EP300: variants seen among roughly 807,000 people sequenced by gnomAD.
The protein encoded by EP300 is histone acetyltransferase p300.
A neutral mutation model predicts 264.0 loss-of-function variants in EP300; 31 were observed. The ratio of observed to expected loss-of-function variants is 0.12; its 90% confidence interval spans 0.09 to 0.16. EP300 has a LOEUF of 0.16. EP300 is among the 10% of genes least tolerant of loss of function. EP300 has a pLI of 1.00. For missense variants in EP300, 2,766 were observed against 3,052.9 expected (o/e 0.91, Z 2.21); for synonymous variants, 1,340 against 1,045.4 (o/e 1.28, Z -5.44).
rs1285602759 is a variant in EP300, at chr22:41,158,504, A to T, written c.3590+4A>T. ...CTTATTACAGTTACCAGAACAGGTA[A>T]GCTTGGCCAGGTGTGGACCATGGTC... On this transcript the variant is annotated splice_donor_region_variant and intron_variant, in intron 19 of 30. Transcript: ENST00000263253. 23 of 1,613,582 alleles carry T rather than the reference A, an allele frequency of 1.4e-5. No individual in the cohort carries two copies. The highest frequency in any genetic ancestry group is 1.7e-5 in the Non-Finnish European group (20 of 1,179,694).
rs1052963583 is a variant in EP300, at chr22:41,146,054, G to A, written c.2054-685G>A. 8.6e-5 allele frequency among the ~76,000 whole-genome samples: 13 copies of A among 151,654 alleles called. 1 individual carries two copies. The highest frequency in any genetic ancestry group is 1.3e-4 in the Non-Finnish European group (9 of 67,986). On this transcript the variant is annotated intron_variant, in intron 10 of 30. Transcript: ENST00000263253. Reference sequence around the variant, plus strand: ...AACGTTGTGCTACATGATCAAATTCGGCCACCATTAGACATGATTCATAGC... The same window carrying A: ...AACGTTGTGCTACATGATCAAATTCAGCCACCATTAGACATGATTCATAGC...
At chr22:41,150,287 T>TTCC in intron 14 of EP300, 89 bp downstream of exon 14, 1 of 1,400,354 alleles carries the variant, frequency 7.1e-7, no homozygotes, top group East Asian at 2.5e-5. Context: ...TCTTTTGCTT[T>TTCC]ATCTCTTACT....
intron 18 of EP300, 101 bp downstream of exon 18, chr22:41,157,509 T>TG: frequency 8.5e-6 from 8 of 942,416 alleles, no homozygotes; most frequent in South Asian, 1.6e-5. Context: ...GGCTTTGACA[T>TG]GGCTTTTTTT....
intron 20 of EP300, among the ~76,000 whole-genome samples, 196 bp downstream of exon 20, chr22:41,160,918 T>C (rs1008582514): frequency 6.6e-6 from 1 of 152,224 alleles, no homozygotes; most frequent in Non-Finnish European, 1.5e-5. Flanking sequence ...GTTCAGTAGC[T>C]ATCTGTGTCT....
At chr22:41,137,938 C>T (rs1271503356) in intron 8 of EP300, 148 bp downstream of exon 8, 4 of 1,110,284 alleles carry the variant, frequency 3.6e-6, no homozygotes, top group East Asian at 5.2e-5. Flanking sequence ...TTGTGGATTT[C>T]TTGCTGCTGC....
chr22:41,170,962 CT>C (rs566562957), intron 27 of EP300, among the ~76,000 whole-genome samples: 2,940 of 136,538 alleles, frequency 0.022, 82 homozygotes, highest in African/African-American at 0.069. Flanking sequence ...CGTGCCCAGC[CT>C]TTTTTTTTTT....
chr22:41,151,780 T>C, intron 14 of EP300, 53 bp from the exon 15 acceptor site: 1 of 1,561,306 alleles, frequency 6.4e-7, no homozygotes, highest in Non-Finnish European at 8.8e-7. Context: ...TCTGATTGTA[T>C]CGTTGGCAGA....
At chr22:41,141,886 T>C (rs2058984670) in intron 10 of EP300, among the ~76,000 whole-genome samples, 1 of 152,074 alleles carries the variant, frequency 6.6e-6, no homozygotes, top group African/African-American at 2.4e-5. Context: ...CATGTTGGCC[T>C]AGCTGATCTC....
intron 25 of EP300, 51 bp downstream of exon 25, chr22:41,168,918 TTATAA>T: frequency 6.2e-7 from 1 of 1,611,908 alleles, no homozygotes; most frequent in South Asian, 1.1e-5. Flanking sequence ...GAGTTCCAAC[TTATAA>T]TAGGTGGAAA....
At chr22:41,118,859 A>T (rs1286086219) in intron 2 of EP300, among the ~76,000 whole-genome samples, 1 of 152,004 alleles carries the variant, frequency 6.6e-6, no homozygotes, top group Non-Finnish European at 1.5e-5. Context: ...AGACAGATGG[A>T]CAAACTTGTG....
chr22:41,097,038 A>C (rs566587752), intron 1 of EP300, among the ~76,000 whole-genome samples: 28 of 152,102 alleles, frequency 1.8e-4, no homozygotes, highest in Non-Finnish European at 3.5e-4. Context: ...GTTTTATTTT[A>C]TTTTGGCTTG....
Position 41,117,738 on chromosome 22 carries a change from G to A in EP300, c.646G>A (p.Gly216Ser), listed in dbSNP as rs890265112. The A allele has an allele frequency of 6.2e-7, 1 of 1,614,228 alleles. No homozygotes were observed. Among genetic ancestry groups the A allele is most frequent in the Non-Finnish European group, 8.5e-7 (1 of 1,180,044 alleles). Residue 216 changes from glycine (G) to serine (S), a missense_variant, in exon 2 of 31, where the codon GGC (glycine) becomes AGC (serine). Coordinates refer to ENST00000263253, the MANE Select transcript of EP300 (RefSeq NM_001429.4). ...QYPNPGMGSA[G>S]NLLTEPLQQG... ...CCCAAACCCAGGCATGGGAAGTGCT[G>A]GCAACTTACTGACTGAGCCTCTTCA...
At position 41,117,265 on chromosome 22, in the gene EP300, G is replaced by A; in HGVS notation, c.173G>A (p.Gly58Asp). 5 of 1,614,184 alleles carry A rather than the reference G, an allele frequency of 3.1e-6. No homozygotes were observed. Among genetic ancestry groups the A allele is most frequent in the Non-Finnish European group, 3.4e-6 (4 of 1,180,038 alleles). The change falls in exon 2 of 31, where the codon GGT becomes GAT. Residue 58 changes from glycine (G) to aspartate (D), a missense_variant. Gly to Asp is a moderately conservative substitution (Grantham distance 94). Coordinates refer to ENST00000263253, the MANE Select transcript of EP300 (RefSeq NM_001429.4). Reference protein sequence around the residue: ...INSTELGLTNGGDINQLQTSL... With the variant: ...INSTELGLTNDGDINQLQTSL... ...TCTACAGAATTGGGACTAACCAATG[G>A]TGGTGATATTAATCAGCTTCAGACA...
intron 1 of EP300, among the ~76,000 whole-genome samples, chr22:41,096,738 C>G (rs1412418000): frequency 1.3e-5 from 2 of 151,722 alleles, no homozygotes; most frequent in Non-Finnish European, 2.9e-5. Flanking sequence ...CTGCTTCACC[C>G]TCCTCAGTAG....
At chr22:41,161,385 A>G (rs751563398) in intron 20 of EP300, among the ~76,000 whole-genome samples, 17 of 152,350 alleles carry the variant, frequency 1.1e-4, no homozygotes, top group Non-Finnish European at 2.5e-4. Context: ...TGGGAGGCCA[A>G]GGCGGGCGGA....
chr22:41,109,399 C>T (rs2058776386), intron 1 of EP300, among the ~76,000 whole-genome samples: 1 of 151,996 alleles, frequency 6.6e-6, no homozygotes, highest in Non-Finnish European at 1.5e-5. Context: ...GCTTGATGAA[C>T]TCTGTACATG....
intron 23 of EP300, among the ~76,000 whole-genome samples, chr22:41,167,593 T>A (rs1446600465): frequency 1.2e-4 from 1 of 8,294 alleles, no homozygotes; most frequent in African/African-American, 3.5e-4. Flanking sequence ...TGTATATATA[T>A]ATATATATAT....
intron 27 of EP300, among the ~76,000 whole-genome samples, chr22:41,172,272 G>GT (rs1433278265): frequency 6.6e-6 from 1 of 152,170 alleles, no homozygotes; most frequent in African/African-American, 2.4e-5. Context: ...TAAGCTCCCT[G>GT]TTTTTGTGGG....
chr22:41,101,753 C>T (rs1180757544), intron 1 of EP300, among the ~76,000 whole-genome samples: 2 of 152,084 alleles, frequency 1.3e-5, no homozygotes, highest in African/African-American at 4.8e-5. Context: ...TGGAGTCTTG[C>T]TGTGTTGCCC....
Sources: allele counts gnomAD v4.1 joint callset (sites outside exome capture counted in the v4.1 genomes callset), GRCh38; gene constraint gnomAD v4.1.1; transcripts MANE v1.5; gene names NCBI Gene and HGNC (gene_info 2026-07-23, HGNC 2026-07-21).